The following SGCZ variants were observed in gnomAD, a reference collection of about 807,000 sequenced individuals.
SGCZ encodes the protein sarcoglycan zeta.
Under a neutral mutation model 41.3 loss-of-function variants are expected in SGCZ, and 40 were observed. The ratio of observed to expected loss-of-function variants is 0.97; its 90% CI spans 0.75 to 1.26. SGCZ has a LOEUF of 1.26. Ranked by LOEUF, SGCZ falls within the 50% of genes most tolerant of loss-of-function variation. The pLI is 0.00. For synonymous variants in SGCZ, 206 were observed against 137.5 expected (o/e 1.50, Z -3.49); for missense variants, 552 against 369.8 (o/e 1.49, Z -4.04).
chr8:14,766,485 C>T (rs1284030434), intron 1 of SGCZ, among the ~76,000 whole-genome samples: 1 of 152,028 alleles, frequency 6.6e-6, no homozygotes, highest in Non-Finnish European at 1.5e-5. Flanking sequence ...CTGACTTACA[C>T]AAACTCAACA....
intron 1 of SGCZ, among the ~76,000 whole-genome samples, chr8:15,146,584 T>A (rs568536583): frequency 2.0e-5 from 3 of 152,342 alleles, no homozygotes; most frequent in East Asian, 3.9e-4. Context: ...CAGTAGTGTA[T>A]TCTGTTTGTA....
rs1180810389 is a variant in SGCZ, at chr8:14,440,740, TATATACATAC to T, written c.234+113982_234+113991del. Among the ~76,000 whole-genome samples the T allele has an allele frequency of 8.4e-5, 12 of 143,132 alleles. No homozygotes were observed. In the East Asian group the frequency reaches 1.4e-3, roughly 17 times the overall value. The allele number at this position is 143,132 out of a possible 152,430, so 93.9% of individuals were successfully genotyped here. A position where few individuals can be genotyped will look rare whatever the true frequency, so the allele number is the denominator to read the frequency against. On this transcript the variant is annotated intron_variant, in intron 2 of 7. Transcript: ENST00000382080. ...ACGTATACACGTATATGTATATATG[TATATACATAC>T]GTATACACGTATATGTATATATGTA...
At chr8:14,958,020 A>G (rs963146276) in intron 1 of SGCZ, among the ~76,000 whole-genome samples, 14 of 152,216 alleles carry the variant, frequency 9.2e-5, no homozygotes, top group African/African-American at 3.1e-4. Flanking sequence ...AGCACACTAA[A>G]AAGTCACAAA....
chr8:15,001,811 C>T (rs1205735786), intron 1 of SGCZ, among the ~76,000 whole-genome samples: 1 of 150,364 alleles, frequency 6.7e-6, no homozygotes, highest in Non-Finnish European at 1.5e-5. Context: ...TCATGAAATG[C>T]ATGCCATTAT....
intron 1 of SGCZ, among the ~76,000 whole-genome samples, chr8:15,121,995 A>G (rs1200690006): frequency 1.3e-5 from 2 of 152,132 alleles, no homozygotes; most frequent in Non-Finnish European, 2.9e-5. Flanking sequence ...GTAGGGATAC[A>G]ACATAAATGT....
At chr8:14,902,895 T>C (rs967704168) in intron 1 of SGCZ, among the ~76,000 whole-genome samples, 2 of 152,178 alleles carry the variant, frequency 1.3e-5, no homozygotes, top group African/African-American at 4.8e-5. Flanking sequence ...CTAATGAATA[T>C]ACGTCTCCCT....
chr8:14,313,826 G>T (rs1801624737), intron 3 of SGCZ, among the ~76,000 whole-genome samples: 1 of 151,972 alleles, frequency 6.6e-6, no homozygotes, highest in African/African-American at 2.4e-5. Flanking sequence ...GCTGATATGT[G>T]CTTCCTGTTT....
chr8:14,837,686 A>T (rs1191549158), intron 1 of SGCZ, among the ~76,000 whole-genome samples: 1 of 152,174 alleles, frequency 6.6e-6, no homozygotes, highest in Non-Finnish European at 1.5e-5. Flanking sequence ...ATTTTTATTT[A>T]TGAACTTATT....
intron 1 of SGCZ, among the ~76,000 whole-genome samples, chr8:14,774,523 C>A (rs902535934): frequency 6.6e-6 from 1 of 152,204 alleles, no homozygotes; most frequent in African/African-American, 2.4e-5. Flanking sequence ...GCCCTTATGG[C>A]TTCTCCCACA....
chr8:14,237,484 AAAC>A (rs71541654), intron 4 of SGCZ, 105 bp downstream of exon 4: 1,159 of 882,212 alleles, frequency 1.3e-3, no homozygotes, highest in African/African-American at 1.9e-3. Flanking sequence ...CTCTGTCTCA[AAAC>A]AACAACAACA....
rs1025555801 is a variant in SGCZ at position 14,356,081 on chromosome 8, T to G, written c.235-31877A>C. 3.9e-5 allele frequency among the ~76,000 whole-genome samples: 6 copies of G among 152,302 alleles called. No homozygotes were observed. The South Asian group carries it at 1.2e-3, about 32-fold the overall frequency. On this transcript the variant is annotated intron_variant, in intron 2 of 7. Coordinates refer to ENST00000382080, the MANE Select transcript of SGCZ (RefSeq NM_139167.4). ...GGGCAGGGGCAGTGAGACCACAGCT[T>G]CCAGTCAGCCACACAAACACCAGAG...
intron 1 of SGCZ, among the ~76,000 whole-genome samples, chr8:14,891,119 C>A (rs1563342763): frequency 1.3e-5 from 2 of 152,258 alleles, no homozygotes; most frequent in East Asian, 1.9e-4. Context: ...GAAGAACCTC[C>A]CTTGTGCAGC....
intron 2 of SGCZ, among the ~76,000 whole-genome samples, chr8:14,546,422 G>T (rs536189171): frequency 6.6e-6 from 1 of 152,174 alleles, no homozygotes; most frequent in Admixed American, 6.5e-5. Context: ...TAACCAGTGC[G>T]AAGACTAAAC....
chr8:14,494,925 C>G (rs146786260), intron 2 of SGCZ, among the ~76,000 whole-genome samples: 1 of 152,210 alleles, frequency 6.6e-6, no homozygotes, highest in Admixed American at 6.5e-5. Flanking sequence ...CCTTGCTGCC[C>G]TAAATATTGT....
chr8:14,315,595 C>G (rs1801688475), intron 3 of SGCZ, among the ~76,000 whole-genome samples: 1 of 151,900 alleles, frequency 6.6e-6, no homozygotes, highest in Non-Finnish European at 1.5e-5. Flanking sequence ...TTAGAACTTA[C>G]TTATAAATAA....
intron 2 of SGCZ, among the ~76,000 whole-genome samples, chr8:14,486,579 T>C (rs780088401): frequency 8.5e-5 from 13 of 152,212 alleles, no homozygotes; most frequent in South Asian, 2.1e-4. Context: ...TGTGTGTGTG[T>C]GCGCGCGCGT....
At chr8:14,591,967 G>A (rs1805255557) in intron 1 of SGCZ, among the ~76,000 whole-genome samples, 1 of 152,174 alleles carries the variant, frequency 6.6e-6, no homozygotes, top group Non-Finnish European at 1.5e-5. Flanking sequence ...TTCCTATGAT[G>A]CCAGCAATAG....
intron 1 of SGCZ, among the ~76,000 whole-genome samples, chr8:15,046,153 C>T (rs1470856329): frequency 1.3e-5 from 2 of 152,016 alleles, no homozygotes; most frequent in African/African-American, 2.4e-5. Context: ...ATATAGAGCA[C>T]ATGTTTTTTA....
At chr8:14,114,815 G>T (rs947191163) in intron 5 of SGCZ, among the ~76,000 whole-genome samples, 1 of 151,892 alleles carries the variant, frequency 6.6e-6, no homozygotes, top group Non-Finnish European at 1.5e-5. Flanking sequence ...AAGAAGTTAT[G>T]TTTTACTAGC....
Sources: allele counts gnomAD v4.1 joint callset (sites outside exome capture counted in the v4.1 genomes callset), GRCh38; gene constraint gnomAD v4.1.1; transcripts MANE v1.5; gene names NCBI Gene and HGNC (gene_info 2026-07-23, HGNC 2026-07-21).